The following NFIA variants were observed in gnomAD, a reference collection of about 807,000 sequenced individuals.
The protein encoded by NFIA is nuclear factor 1 A-type.
Under a neutral mutation model 62.8 loss-of-function variants are expected in NFIA, and 8 were observed. That is an observed-to-expected ratio of 0.13 (90% confidence interval 0.07 to 0.23). The LOEUF is 0.23. Among genes scored for constraint, NFIA ranks in the 10% least tolerant of loss-of-function variants. The probability of loss-of-function intolerance (pLI) is 1.00; values close to 1 mark genes in which losing one functional copy is unlikely to be tolerated. For synonymous variants in NFIA, 235 were observed against 238.1 expected (o/e 0.99, Z 0.12); for missense variants, 410 against 642.1 (o/e 0.64, Z 3.91).
chr1:61,366,847 C>T (rs1663619360), intron 6 of NFIA, among the ~76,000 whole-genome samples: 1 of 152,130 alleles, frequency 6.6e-6, no homozygotes, highest in Non-Finnish European at 1.5e-5. Context: ...CGCTTGAACC[C>T]AGGAGGCAGA....
At position 61,403,212 on chromosome 1, in the gene NFIA, G is replaced by C. The variant is rs149436464; in HGVS notation, c.1076-892G>C. Among the ~76,000 whole-genome samples the C allele has an allele frequency of 3.2e-3, 490 of 152,278 alleles. 1 individual carries two copies. The highest frequency in any genetic ancestry group is 5.7e-3 in the Non-Finnish European group (391 of 68,028). On this transcript the variant is annotated intron_variant, in intron 7 of 10. Transcript: ENST00000403491. ...AGCTGCTGCTATCTTGGCTTGACTT[G>C]GTTTGAATATCTGCAACCTTCCCAT...
chr1:61,082,425 A>AGCCGAG (rs1178156730), upstream of NFIA: 20 of 1,003,824 alleles, frequency 2.0e-5, no homozygotes, highest in African/African-American at 3.6e-4. Context: ...TGCGGTGCAG[A>AGCCGAG]GCGGAGGCGG....
intron 2 of NFIA, among the ~76,000 whole-genome samples, chr1:61,257,529 G>A (rs934909574): frequency 1.3e-5 from 2 of 151,490 alleles, no homozygotes; most frequent in South Asian, 2.1e-4. Flanking sequence ...TAGTAGAGAC[G>A]GGGTTTCACC....
rs1245298086 is a variant in NFIA at position 61,082,761 on chromosome 1, A to G, written c.-31A>G. ...GCACACCTCCAAACCGCACACCCAG[A>G]CGCACACGCATACCCCAGCGCCCGG... On this transcript the variant is annotated 5_prime_UTR_variant, in exon 1 of 11. Coordinates refer to ENST00000403491, the MANE Select transcript of NFIA (RefSeq NM_001134673.4). 2 of 1,551,176 alleles carry G rather than the reference A, an allele frequency of 1.3e-6. No homozygotes were observed. The highest frequency in any genetic ancestry group is 1.7e-6 in the Non-Finnish European group (2 of 1,146,982).
At chr1:61,156,307 T>A (rs1648815477) in intron 2 of NFIA, among the ~76,000 whole-genome samples, 1 of 152,226 alleles carries the variant, frequency 6.6e-6, no homozygotes, top group Admixed American at 6.5e-5. Flanking sequence ...GCTTTTTAAT[T>A]TGTACTGTCA....
intron 2 of NFIA, among the ~76,000 whole-genome samples, chr1:61,168,906 C>T (rs1649761929): frequency 6.6e-6 from 1 of 152,100 alleles, no homozygotes; most frequent in South Asian, 2.1e-4. Context: ...TTATGGAAGG[C>T]CCTAAGTTTG....
intron 2 of NFIA, among the ~76,000 whole-genome samples, chr1:61,227,947 A>G (rs1654432512): frequency 6.6e-6 from 1 of 152,086 alleles, no homozygotes; most frequent in Non-Finnish European, 1.5e-5. Context: ...CCAATTTATT[A>G]TTTTCTATCA....
intron 2 of NFIA, among the ~76,000 whole-genome samples, chr1:61,107,963 T>C (rs1250314178): frequency 6.6e-6 from 1 of 151,710 alleles, no homozygotes; most frequent in Non-Finnish European, 1.5e-5. Flanking sequence ...TTTTTTATAT[T>C]TGTGTATGTC....
In NFIA at chr1:61,411,337, G is replaced by C. The variant is rs74953830; in HGVS notation, c.1420+4610G>C. On this transcript the variant is annotated intron_variant, in intron 9 of 10. Transcript: ENST00000403491. ...TAAGAAGTAGGGAAGTGGGGGTGGG[G>C]CAAGAATAATTTTTATAATCTTGAT... Among the ~76,000 whole-genome samples the C allele has an allele frequency of 4.5e-3, 678 of 152,214 alleles. 14 individuals are homozygous for C. The highest frequency in any genetic ancestry group is 0.044 in the East Asian group (227 of 5,176).
chr1:61,319,273 T>C (rs936145406), intron 3 of NFIA, among the ~76,000 whole-genome samples: 6 of 152,138 alleles, frequency 3.9e-5, no homozygotes, highest in African/African-American at 1.4e-4. Context: ...ACTAAAAAAT[T>C]GGTAAAATAT....
intron 6 of NFIA, among the ~76,000 whole-genome samples, chr1:61,360,956 G>A (rs1663255920): frequency 6.6e-6 from 1 of 151,850 alleles, no homozygotes; most frequent in Non-Finnish European, 1.5e-5. Context: ...CTTCACTGGG[G>A]ACTTTCTCTG....
At chr1:61,128,619 T>C (rs1253962077) in intron 2 of NFIA, among the ~76,000 whole-genome samples, 1 of 152,104 alleles carries the variant, frequency 6.6e-6, no homozygotes, top group Non-Finnish European at 1.5e-5. Context: ...ACCTTTATTA[T>C]GTTTGACATT....
intron 2 of NFIA, among the ~76,000 whole-genome samples, chr1:61,159,325 C>G (rs1440186187): frequency 6.6e-5 from 10 of 152,118 alleles, no homozygotes; most frequent in Admixed American, 5.9e-4. Flanking sequence ...AAGCATTGAT[C>G]TTGGAATTAG....
At chr1:61,384,347 G>A (rs1207613119) in intron 7 of NFIA, among the ~76,000 whole-genome samples, 7 of 152,134 alleles carry the variant, frequency 4.6e-5, no homozygotes, top group African/African-American at 1.7e-4. Context: ...AGGGAAATGT[G>A]GCAGGTAAGA....
At chr1:61,379,402 C>CTTTTTTTTT (rs60735193) in intron 6 of NFIA, among the ~76,000 whole-genome samples, 2 of 98,258 alleles carry the variant, frequency 2.0e-5, no homozygotes, top group Admixed American at 1.2e-4. Context: ...TTTTCTTTTT[C>CTTTTTTTTT]TTTTTTTTTT....
chr1:61,196,992 CAG>C (rs1652064932), intron 2 of NFIA, among the ~76,000 whole-genome samples: 2 of 151,482 alleles, frequency 1.3e-5, no homozygotes, highest in Non-Finnish European at 1.5e-5. Context: ...TTTAATTAAA[CAG>C]AGGGAATTGC....
At chr1:61,259,639 C>G (rs977726604) in intron 2 of NFIA, among the ~76,000 whole-genome samples, 2 of 152,110 alleles carry the variant, frequency 1.3e-5, no homozygotes, top group African/African-American at 4.8e-5. Context: ...GGATGGAATC[C>G]TAAATTTAAG....
rs1651137355 is a variant in NFIA, at chr1:61,185,810, A to G, written c.560-91710A>G. Among the ~76,000 whole-genome samples the G allele has an allele frequency of 2.6e-5, 4 of 152,078 alleles. No individual in the cohort carries two copies. In the South Asian group the frequency reaches 8.3e-4, roughly 32 times the overall value. On this transcript the variant is annotated intron_variant, in intron 2 of 10. Coordinates refer to ENST00000403491, the MANE Select transcript of NFIA (RefSeq NM_001134673.4). ...CCTTTCAGTTCTTTCAGTTCGAATA[A>G]TAGCCCTGTAAAAGAGTGTTCTGTC...
intron 2 of NFIA, among the ~76,000 whole-genome samples, chr1:61,236,310 A>G (rs1655010848): frequency 6.6e-6 from 1 of 152,224 alleles, no homozygotes; most frequent in Non-Finnish European, 1.5e-5. Context: ...CAGGGGCTGT[A>G]TCTTGAGGGT....
Sources: allele counts gnomAD v4.1 joint callset (sites outside exome capture counted in the v4.1 genomes callset), GRCh38; gene constraint gnomAD v4.1.1; transcripts MANE v1.5; gene names NCBI Gene and HGNC (gene_info 2026-07-23, HGNC 2026-07-21).